PCDHA10: variants seen among roughly 807,000 people sequenced by gnomAD.
PCDHA10 encodes the protein protocadherin alpha-10.
A neutral mutation model predicts 61.2 loss-of-function variants in PCDHA10; 45 were observed. The observed-to-expected ratio is 0.74, with a 90% CI of 0.58 to 0.94. PCDHA10 has a LOEUF of 0.94. PCDHA10 is among the 40% of genes least tolerant of loss of function. The probability of loss-of-function intolerance (pLI) is 0.00; values close to 1 mark genes in which losing one functional copy is unlikely to be tolerated. For synonymous variants in PCDHA10, 602 were observed against 548.8 expected, an observed-to-expected ratio of 1.10 and a Z score of -1.35; for missense variants, 1,278 against 1,236.2, an observed-to-expected ratio of 1.03 and a Z score of -0.51.
intron 1 of PCDHA10, among the ~76,000 whole-genome samples, chr5:140,974,825 A>G (rs2096642596): frequency 6.6e-6 from 1 of 152,198 alleles, no homozygotes; most frequent in Admixed American, 6.5e-5. Flanking sequence ...ATGCAACATA[A>G]TGATTATTTT....
chr5:140,864,096 T>C (rs1459291547), intron 1 of PCDHA10: 1 of 152,506 alleles, frequency 6.6e-6, no homozygotes, highest in Non-Finnish European at 1.5e-5. Flanking sequence ...TTGATAAGTA[T>C]AATGATAATA....
Position 140,929,475 on chromosome 5 carries a change from G to A in PCDHA10, c.2389-49474G>A, listed in dbSNP as rs1554207114. ...ACTTCCTGTGCCAAGAAATCTGGAA[G>A]TATAGAAGTATTAGAAGATTGCCCT... is the stretch of plus-strand genomic sequence containing the variant. On this transcript the variant is annotated intron_variant, in intron 1 of 3. Transcript: ENST00000307360. The A allele has an allele frequency of 4.0e-6, 5 of 1,251,128 alleles. No individual in the cohort carries two copies. The Middle Eastern group carries it at 8.1e-4, about 202-fold the overall frequency. The allele number at this position is 1,251,128 out of a possible 1,614,324, so 77.5% of individuals were successfully genotyped here. A position where few individuals can be genotyped will look rare whatever the true frequency, so the allele number is the denominator to read the frequency against.
chr5:140,946,611 AATAT>A (rs1554217734), intron 1 of PCDHA10, among the ~76,000 whole-genome samples: 10 of 86,794 alleles, frequency 1.2e-4, no homozygotes, highest in Admixed American at 4.7e-4. Flanking sequence ...GAAAATGTGA[AATAT>A]ATATATATAT....
intron 3 of PCDHA10, among the ~76,000 whole-genome samples, chr5:140,986,070 A>G (rs1554247713): frequency 6.6e-6 from 1 of 152,126 alleles, no homozygotes; most frequent in African/African-American, 2.4e-5. Flanking sequence ...TTTTAAAGAA[A>G]CTGTTCATTT....
chr5:140,880,528 A>T lies in PCDHA10; in HGVS notation c.2388+22092A>T, dbSNP rs539592135. ...GTTTGGTCACATCTCTCAATGTGTGAATCATCTGAAAGTGAACTGATGGAA... is the reference window on the plus strand; with the variant it reads ...GTTTGGTCACATCTCTCAATGTGTGTATCATCTGAAAGTGAACTGATGGAA... On this transcript the variant is annotated intron_variant, in intron 1 of 3. Coordinates refer to ENST00000307360, the MANE Select transcript of PCDHA10 (RefSeq NM_018901.4). 7.9e-5 allele frequency among the ~76,000 whole-genome samples: 12 copies of T among 152,354 alleles called. No homozygotes were observed. The East Asian group carries it at 2.3e-3, about 29-fold the overall frequency.
At chr5:140,859,230 G>A (rs1168816968) in intron 1 of PCDHA10, 2 of 149,852 alleles carry the variant, frequency 1.3e-5, no homozygotes, top group Non-Finnish European at 3.0e-5. Context: ...TAAGGAAGGA[G>A]TCATGCTTAT....
chr5:140,932,203 T>C (rs1415160763), intron 1 of PCDHA10, among the ~76,000 whole-genome samples: 1 of 151,924 alleles, frequency 6.6e-6, no homozygotes, highest in Non-Finnish European at 1.5e-5. Context: ...TCTGTTAATA[T>C]TCTTGATGGG....
Position 140,858,030 on chromosome 5 carries a change from C to T in PCDHA10, c.1982C>T (p.Thr661Met), listed in dbSNP as rs534379807. 197 of 1,597,024 alleles carry T rather than the reference C, an allele frequency of 1.2e-4. 17 individuals are homozygous for T. Among genetic ancestry groups the T allele is most frequent in the Middle Eastern group, 3.3e-4 (2 of 5,996 alleles). Residue 661 changes from threonine to methionine, a missense_variant, in exon 1 of 4, where the codon ACG (threonine) becomes ATG (methionine). Coordinates refer to ENST00000307360, the MANE Select transcript of PCDHA10 (RefSeq NM_018901.4). ...KDHGEPSLTA[T>M]ATVLVSLVEG... ...CATGGCGAGCCGTCGCTGACGGCCA[C>T]GGCCACTGTGCTTGTGTCGCTTGTG...
chr5:140,863,542 C>T, intron 1 of PCDHA10: 3 of 384,090 alleles, frequency 7.8e-6, no homozygotes, highest in South Asian at 6.2e-5. Context: ...TGGAGATGGA[C>T]TTCAATAGGA....
chr5:140,899,259 G>C (rs2067235630), intron 1 of PCDHA10, among the ~76,000 whole-genome samples: 1 of 152,126 alleles, frequency 6.6e-6, no homozygotes, highest in African/African-American at 2.4e-5. Context: ...GGGCATCCCT[G>C]TCTTGTGGCA....
At chr5:140,891,428 C>G (rs2063097176) in intron 1 of PCDHA10, among the ~76,000 whole-genome samples, 1 of 149,620 alleles carries the variant, frequency 6.7e-6, no homozygotes, top group Admixed American at 6.7e-5. Flanking sequence ...CCCCAAGTCC[C>G]CAACGTCCAT....
intron 1 of PCDHA10, among the ~76,000 whole-genome samples, chr5:140,973,282 C>T (rs1554235080): frequency 2.6e-5 from 4 of 152,148 alleles, no homozygotes; most frequent in African/African-American, 7.2e-5. Context: ...TCCCCCAGCA[C>T]TGATTTTTCT....
chr5:140,979,797 C>T (rs1253949980), intron 2 of PCDHA10, among the ~76,000 whole-genome samples: 1 of 152,154 alleles, frequency 6.6e-6, no homozygotes, highest in African/African-American at 2.4e-5. Flanking sequence ...AACAAATGAT[C>T]ACAACTATCA....
At chr5:140,888,956 G>A (rs1043287613) in intron 1 of PCDHA10, among the ~76,000 whole-genome samples, 1 of 151,722 alleles carries the variant, frequency 6.6e-6, no homozygotes, top group Non-Finnish European at 1.5e-5. Context: ...TTTTTCTTTG[G>A]CAATGTTAAT....
chr5:140,959,493 A>C (rs533403086), intron 1 of PCDHA10, among the ~76,000 whole-genome samples: 3 of 152,280 alleles, frequency 2.0e-5, no homozygotes, highest in South Asian at 2.1e-4. Context: ...TTATATATGG[A>C]TCAAACTAAA....
intron 1 of PCDHA10, chr5:140,875,549 T>G: frequency 1.2e-6 from 2 of 1,613,916 alleles, no homozygotes; most frequent in Non-Finnish European, 1.7e-6. Flanking sequence ...GCCTGGGAGG[T>G]GGGGAGCGGC....
At chr5:140,987,269 G>A (rs1442679377) in intron 3 of PCDHA10, among the ~76,000 whole-genome samples, 8 of 151,806 alleles carry the variant, frequency 5.3e-5, no homozygotes, top group African/African-American at 9.7e-5. Flanking sequence ...AATGGGACCC[G>A]GCAGTCTATG....
At position 140,858,097 on chromosome 5, in the gene PCDHA10, G is replaced by A. The variant is rs2045175006; in HGVS notation, c.2049G>A (p.Val683=). Residue 683 remains valine (V), a synonymous_variant, in exon 1 of 4, where the codon GTG becomes GTA. Coordinates refer to ENST00000307360, the MANE Select transcript of PCDHA10 (RefSeq NM_018901.4). ...QAPKASSRAS[V]GVAPEVALVD... is the part of the protein sequence containing the mutation. ...CCAAGGCCTCGTCGCGGGCTTCAGT[G>A]GGCGTGGCGCCCGAGGTGGCCCTGG... The A allele has an allele frequency of 6.3e-7, 1 of 1,597,732 alleles. No individual in the cohort carries two copies. Among genetic ancestry groups the A allele is most frequent in the Non-Finnish European group, 8.6e-7 (1 of 1,167,720 alleles).
intron 1 of PCDHA10, chr5:140,968,325 C>T (rs148804197): frequency 1.2e-6 from 2 of 1,613,988 alleles, no homozygotes; most frequent in African/African-American, 2.7e-5. Context: ...CCAGTCACCT[C>T]CTATGTCTCC....
Sources: gnomAD v4.1 joint callset for allele counts (sites outside exome capture counted in the v4.1 genomes callset) on GRCh38, gnomAD v4.1.1 for gene constraint, MANE v1.5 for transcripts, NCBI Gene and HGNC (gene_info 2026-07-23, HGNC 2026-07-21) for gene names.